Variants in RHBDD1 observed in about 807,000 individuals in gnomAD.
RHBDD1 encodes rhomboid-related protein 4.
Under a neutral mutation model 36.3 loss-of-function variants are expected in RHBDD1, and 38 were observed. That is an observed-to-expected ratio of 1.05 (90% CI 0.81 to 1.37). The LOEUF (loss-of-function observed/expected upper bound fraction) is 1.37, where lower values mean the gene tolerates loss of function less well. RHBDD1 is among the 40% of genes most tolerant of loss of function. The pLI is 0.00. For synonymous variants in RHBDD1, 151 were observed against 136.5 expected (o/e 1.11, Z -0.74); for missense variants, 393 against 377.6 (o/e 1.04, Z -0.34).
At chr2:226,884,961 C>A (rs1447341270) in intron 5 of RHBDD1, among the ~76,000 whole-genome samples, 1 of 152,078 alleles carries the variant, frequency 6.6e-6, no homozygotes, top group Non-Finnish European at 1.5e-5. Flanking sequence ...AAATGAATTA[C>A]ATCTTTAGGA....
At chr2:226,854,779 A>G (rs1050171441) in intron 3 of RHBDD1, among the ~76,000 whole-genome samples, 2 of 152,166 alleles carry the variant, frequency 1.3e-5, no homozygotes, top group African/African-American at 4.8e-5. Context: ...TACCTGAGAT[A>G]CTATGCAGTG....
At chr2:226,823,372 C>T in the RHBDD1 span, among the ~76,000 whole-genome samples, 36,760 of 152,098 alleles carry the variant, frequency 0.24, 8,356 homozygotes, top group African/African-American at 0.6. Context: ...TCAATTTGCA[C>T]TGTTTCTTAA....
Position 226,867,210 on chromosome 2 carries a change from T to C in RHBDD1, c.458T>C (p.Leu153Pro). 6.2e-7 allele frequency: 1 copy of C among 1,611,460 alleles called. No individual in the cohort carries two copies. The highest frequency in any genetic ancestry group is 2.2e-5 in the East Asian group (1 of 44,808). ...GGAGTTTTGTTTGCTTTGAAAGTTC[T>C]TAACAACCATTATTGCCCTGGAGGC... ...FSGVLFALKV[L>P]NNHYCPGGFV... Residue 153 changes from leucine to proline, a missense_variant, in exon 5 of 9, where the codon CTT becomes CCT. Coordinates refer to ENST00000392062, the MANE Select transcript of RHBDD1 (RefSeq NM_001167608.3).
rs1416019064 is a variant in RHBDD1 at position 226,975,870 on chromosome 2, C to G, written c.857-19561C>G. Among the ~76,000 whole-genome samples the G allele has an allele frequency of 2.6e-5, 4 of 152,230 alleles. No individual in the cohort carries two copies. In the East Asian group the frequency reaches 7.7e-4, roughly 29 times the overall value. The stretch of plus-strand genomic sequence containing the variant: ...CACCAATAGATAGCAGGCAAGATTA[C>G]CTTGTCCCTCTGAGGGTTCTGATTG... On this transcript the variant is annotated intron_variant, in intron 8 of 8. Transcript: ENST00000392062.
At chr2:226,833,961 A>G (rs1468485304), upstream of RHBDD1, among the ~76,000 whole-genome samples, 2 of 152,246 alleles carry the variant, frequency 1.3e-5, no homozygotes, top group Non-Finnish European at 2.9e-5. Flanking sequence ...ATTTTTTAAA[A>G]GGTAGATATT....
intron 8 of RHBDD1, among the ~76,000 whole-genome samples, chr2:226,944,144 G>A (rs1950826914): frequency 1.3e-5 from 2 of 152,188 alleles, no homozygotes; most frequent in Non-Finnish European, 2.9e-5. Flanking sequence ...CTAAACCAAG[G>A]ATGACTTCCA....
At chr2:226,985,586 G>A (rs922365231) in intron 8 of RHBDD1, among the ~76,000 whole-genome samples, 2 of 152,208 alleles carry the variant, frequency 1.3e-5, no homozygotes, top group African/African-American at 2.4e-5. Context: ...AGAAAAATCC[G>A]AGCTGTAGCT....
At chr2:226,934,527 A>G (rs1950221288) in intron 8 of RHBDD1, among the ~76,000 whole-genome samples, 1 of 152,144 alleles carries the variant, frequency 6.6e-6, no homozygotes. Flanking sequence ...GTATTTCATA[A>G]TAGTACCTGG....
chr2:226,847,680 C>A (rs1942368113), intron 3 of RHBDD1, among the ~76,000 whole-genome samples: 1 of 152,134 alleles, frequency 6.6e-6, no homozygotes, highest in South Asian at 2.1e-4. Flanking sequence ...TTGGGTGAGA[C>A]CTATGTCAAG....
At chr2:226,921,969 C>A (rs765809974) in intron 8 of RHBDD1, among the ~76,000 whole-genome samples, 1 of 151,968 alleles carries the variant, frequency 6.6e-6, no homozygotes, top group Middle Eastern at 3.2e-3. Flanking sequence ...TGGGATCGAT[C>A]GATCTCTTAA....
intron 5 of RHBDD1, among the ~76,000 whole-genome samples, chr2:226,869,532 G>A (rs1215170826): frequency 6.6e-6 from 1 of 152,176 alleles, no homozygotes; most frequent in Non-Finnish European, 1.5e-5. Context: ...TTTATTGCAG[G>A]ACTGTATGGG....
chr2:226,950,824 G>T (rs150363057), intron 8 of RHBDD1, among the ~76,000 whole-genome samples: 118 of 152,188 alleles, frequency 7.8e-4, no homozygotes, highest in African/African-American at 2.7e-3. Context: ...TAAAAATTGG[G>T]TTGTTTTCTT....
At chr2:226,941,815 G>T (rs1351206597) in intron 8 of RHBDD1, among the ~76,000 whole-genome samples, 3 of 152,216 alleles carry the variant, frequency 2.0e-5, no homozygotes, top group African/African-American at 7.2e-5. Context: ...CTAGAGGAAA[G>T]CACTGTAAAT....
At chr2:226,824,910 C>A in the RHBDD1 span, among the ~76,000 whole-genome samples, 2 of 152,164 alleles carry the variant, frequency 1.3e-5, no homozygotes, top group African/African-American at 2.4e-5. Context: ...CATACATGTG[C>A]GCAAAGGAGG....
chr2:226,895,615 T>C, intron 5 of RHBDD1: 2 of 955,472 alleles, frequency 2.1e-6, no homozygotes, highest in Non-Finnish European at 2.5e-6. Context: ...TTGTGTGATT[T>C]CACTTACCTT....
At chr2:226,905,196 T>C (rs2125628998) in intron 5 of RHBDD1, among the ~76,000 whole-genome samples, 1 of 151,652 alleles carries the variant, frequency 6.6e-6, no homozygotes, top group East Asian at 1.9e-4. Flanking sequence ...TTGTATAATG[T>C]ATGAATGAGA....
At chr2:226,920,592 T>A (rs551408740) in intron 8 of RHBDD1, among the ~76,000 whole-genome samples, 1 of 152,142 alleles carries the variant, frequency 6.6e-6, no homozygotes, top group African/African-American at 2.4e-5. Context: ...TTTTTTGTCA[T>A]GAAGGAATGT....
intron 8 of RHBDD1, among the ~76,000 whole-genome samples, chr2:226,917,613 A>G (rs1345207077): frequency 6.6e-6 from 1 of 152,136 alleles, no homozygotes; most frequent in Non-Finnish European, 1.5e-5. Flanking sequence ...TGCTAAGACT[A>G]AATGATCCAG....
At chr2:226,905,078 C>T (rs4675117) in intron 5 of RHBDD1, among the ~76,000 whole-genome samples, 46,020 of 151,700 alleles carry the variant, frequency 0.3, 8,323 homozygotes, top group South Asian at 0.45. Context: ...CTCCATCAGG[C>T]TCTTTCATAA....
Sources: allele counts gnomAD v4.1 joint callset (sites outside exome capture counted in the v4.1 genomes callset), GRCh38; gene constraint gnomAD v4.1.1; transcripts MANE v1.5; gene names NCBI Gene and HGNC (gene_info 2026-07-23, HGNC 2026-07-21).